The following AGBL1 variants were observed in gnomAD, a reference collection of about 807,000 sequenced individuals.
The protein encoded by AGBL1 is cytosolic carboxypeptidase 4.
AGBL1 carries 130 observed loss-of-function variants against 118.9 expected under a neutral mutation model. That is an observed-to-expected ratio of 1.09 (90% CI 0.95 to 1.26). AGBL1 has a LOEUF of 1.26. Ranked by LOEUF, AGBL1 falls within the 50% of genes most tolerant of loss-of-function variation. The pLI, the probability that AGBL1 is intolerant of heterozygous loss-of-function variation, is 0.00. For synonymous variants in AGBL1, 555 were observed against 478.9 expected (o/e 1.16, Z -2.08); for missense variants, 1,584 against 1,298.1 (o/e 1.22, Z -3.38).
chr15:86,800,813 T>C (rs1470871604), intron 22 of AGBL1, among the ~76,000 whole-genome samples: 2 of 151,926 alleles, frequency 1.3e-5, no homozygotes, highest in African/African-American at 4.8e-5. Flanking sequence ...AAGGTAGAAA[T>C]AGAGAATAAA....
chr15:86,419,889 T>G (rs2081762591), intron 18 of AGBL1, among the ~76,000 whole-genome samples: 1 of 152,156 alleles, frequency 6.6e-6, no homozygotes, highest in Admixed American at 6.6e-5. Flanking sequence ...TCAGCAAAGC[T>G]GCTGTAGCCA....
At chr15:86,693,261 A>G (rs1044582475) in intron 22 of AGBL1, among the ~76,000 whole-genome samples, 6 of 151,478 alleles carry the variant, frequency 4.0e-5, no homozygotes, top group African/African-American at 1.2e-4. Context: ...CTGCATCCAC[A>G]CCGACATCTA....
intron 11 of AGBL1, among the ~76,000 whole-genome samples, chr15:86,265,346 C>T (rs576669910): frequency 2.0e-5 from 3 of 152,054 alleles, no homozygotes; most frequent in Non-Finnish European, 2.9e-5. Context: ...ACAGAGCTGG[C>T]GGGGAGTTGA....
intron 22 of AGBL1, among the ~76,000 whole-genome samples, chr15:86,705,242 A>ATGTATACC (rs2142661062): frequency 6.6e-6 from 1 of 152,278 alleles, no homozygotes; most frequent in Admixed American, 6.5e-5. Flanking sequence ...ACCATGGCAC[A>ATGTATACC]TGTATACCTG....
chr15:86,568,460 G>A (rs1275548502), intron 21 of AGBL1, among the ~76,000 whole-genome samples: 1 of 152,118 alleles, frequency 6.6e-6, no homozygotes, highest in Non-Finnish European at 1.5e-5. Flanking sequence ...GAAGTGCTTG[G>A]CTTGACTTTG....
At chr15:86,427,868 A>C (rs527537554) in intron 18 of AGBL1, among the ~76,000 whole-genome samples, 1 of 152,204 alleles carries the variant, frequency 6.6e-6, no homozygotes, top group African/African-American at 2.4e-5. Flanking sequence ...CTTGGGATCC[A>C]AACACTGTGA....
intron 5 of AGBL1, among the ~76,000 whole-genome samples, chr15:86,171,910 G>A (rs530484232): frequency 6.6e-6 from 1 of 152,292 alleles, no homozygotes; most frequent in African/African-American, 2.4e-5. Flanking sequence ...TGAAATTGGT[G>A]ACTATTATTC....
chr15:86,661,943 T>C (rs1031239570), intron 21 of AGBL1, among the ~76,000 whole-genome samples: 3 of 152,200 alleles, frequency 2.0e-5, no homozygotes, highest in Non-Finnish European at 4.4e-5. Flanking sequence ...ACTTCCACTT[T>C]CCACATAAAT....
intron 21 of AGBL1, among the ~76,000 whole-genome samples, chr15:86,568,780 A>C (rs2083957505): frequency 6.6e-6 from 1 of 152,158 alleles, no homozygotes; most frequent in African/African-American, 2.4e-5. Flanking sequence ...ATGGATTTTG[A>C]ACACCCTTGG....
Position 86,555,512 on chromosome 15 carries a change from C to A in AGBL1, c.2994+975C>A, listed in dbSNP as rs149763233. On this transcript the variant is annotated intron_variant, in intron 21 of 22. Coordinates refer to ENST00000614907, the MANE Select transcript of AGBL1 (RefSeq NM_001386094.1). Reference sequence around the variant, plus strand: ...TTTTTAACTCAGAGCTACCGAACCACCCTTTTGACTATTAATTCTGTCAAA... The same window carrying A: ...TTTTTAACTCAGAGCTACCGAACCAACCTTTTGACTATTAATTCTGTCAAA... Among the ~76,000 whole-genome samples, 5 of 152,262 alleles carry A rather than the reference C, an allele frequency of 3.3e-5. No homozygotes were observed. The East Asian group carries it at 9.7e-4, about 29-fold the overall frequency.
chr15:86,752,993 G>A (rs566918266), intron 22 of AGBL1, among the ~76,000 whole-genome samples: 1 of 152,092 alleles, frequency 6.6e-6, no homozygotes, highest in African/African-American at 2.4e-5. Context: ...CCTTTCTTCA[G>A]TCCTTCTAAA....
chr15:86,390,725 A>G (rs2141979416), intron 17 of AGBL1, among the ~76,000 whole-genome samples: 1 of 122,884 alleles, frequency 8.1e-6, no homozygotes, highest in East Asian at 2.9e-4. Flanking sequence ...CCTGGAGTGC[A>G]GTGGTGTGAT....
intron 18 of AGBL1, among the ~76,000 whole-genome samples, chr15:86,479,406 AC>A (rs1426425905): frequency 1.3e-5 from 2 of 152,242 alleles, no homozygotes; most frequent in African/African-American, 4.8e-5. Flanking sequence ...AACGCCATCA[AC>A]AAGTGGGCAA....
chr15:86,614,123 T>C (rs2084691962), intron 21 of AGBL1, among the ~76,000 whole-genome samples: 1 of 152,204 alleles, frequency 6.6e-6, no homozygotes, highest in Non-Finnish European at 1.5e-5. Context: ...GTTTTAACTG[T>C]AAGCATCTAT....
At chr15:86,555,859 T>G (rs368279864) in intron 21 of AGBL1, among the ~76,000 whole-genome samples, 1 of 152,198 alleles carries the variant, frequency 6.6e-6, no homozygotes, top group Non-Finnish European at 1.5e-5. Context: ...GGAGGTTATA[T>G]AATCAGAAAT....
At chr15:86,437,701 T>C (rs1567259192) in intron 18 of AGBL1, among the ~76,000 whole-genome samples, 1 of 152,076 alleles carries the variant, frequency 6.6e-6, no homozygotes, top group African/African-American at 2.4e-5. Flanking sequence ...AGGTTAGGCT[T>C]TAAAAAGTGC....
At chr15:87,011,947 T>C (rs2081564473) in intron 24 of AGBL1, among the ~76,000 whole-genome samples, 1 of 152,138 alleles carries the variant, frequency 6.6e-6, no homozygotes, top group Non-Finnish European at 1.5e-5. Flanking sequence ...CTGGTACATA[T>C]TCCGTTTACT....
At chr15:86,172,165 T>C (rs1160612716) in intron 5 of AGBL1, among the ~76,000 whole-genome samples, 1 of 152,142 alleles carries the variant, frequency 6.6e-6, no homozygotes, top group Non-Finnish European at 1.5e-5. Flanking sequence ...TCATCACCTG[T>C]TCTCCAAAAA....
chr15:86,920,226 C>T (rs576485752), downstream of AGBL1, among the ~76,000 whole-genome samples: 1 of 152,130 alleles, frequency 6.6e-6, no homozygotes, highest in Admixed American at 6.6e-5. Context: ...AGGCACTGAG[C>T]TCCCCATTTC....
Sources: allele counts gnomAD v4.1 joint callset (sites outside exome capture counted in the v4.1 genomes callset), GRCh38; gene constraint gnomAD v4.1.1; transcripts MANE v1.5; gene names NCBI Gene and HGNC (gene_info 2026-07-23, HGNC 2026-07-21).